The following LRP1B variants were observed in gnomAD, a reference collection of about 807,000 sequenced individuals.
The protein encoded by LRP1B is low-density lipoprotein receptor-related protein 1B.
In LRP1B, 217 loss-of-function variants were observed where a neutral mutation model predicts 556.6. The ratio of observed to expected loss-of-function variants is 0.39; its 90% CI spans 0.35 to 0.44. LRP1B has a LOEUF of 0.44. Ranked by LOEUF, LRP1B falls within the 20% of genes least tolerant of loss-of-function variation. The pLI is 1.00. For missense variants in LRP1B, 5,053 were observed against 5,620.8 expected, an observed-to-expected ratio of 0.90 and a Z score of 3.23; for synonymous variants, 2,047 against 1,865.8, an observed-to-expected ratio of 1.10 and a Z score of -2.50.
At chr2:140,668,095 G>A (rs1471123747) in intron 41 of LRP1B, among the ~76,000 whole-genome samples, 1 of 151,880 alleles carries the variant, frequency 6.6e-6, no homozygotes, top group Non-Finnish European at 1.5e-5. Flanking sequence ...GGTGGATCAC[G>A]ACGTCAGGAG....
chr2:140,507,346 G>A (rs760873934), intron 52 of LRP1B, among the ~76,000 whole-genome samples: 1 of 152,090 alleles, frequency 6.6e-6, no homozygotes, highest in East Asian at 1.9e-4. Flanking sequence ...CTGGTAAAGA[G>A]CAATGCTAAT....
chr2:141,576,455 G>A (rs750628602), intron 2 of LRP1B, among the ~76,000 whole-genome samples: 6 of 152,106 alleles, frequency 3.9e-5, no homozygotes, highest in Non-Finnish European at 8.8e-5. Context: ...GTTGGGGAGC[G>A]GGGGATGAGG....
At chr2:141,260,781 C>A (rs1684654088) in intron 3 of LRP1B, among the ~76,000 whole-genome samples, 1 of 152,078 alleles carries the variant, frequency 6.6e-6, no homozygotes, top group Non-Finnish European at 1.5e-5. Context: ...TAAATTAGAA[C>A]TTTTAGAAAT....
chr2:140,541,535 A>G (rs1680132393), intron 44 of LRP1B, among the ~76,000 whole-genome samples: 1 of 152,152 alleles, frequency 6.6e-6, no homozygotes, highest in South Asian at 2.1e-4. Flanking sequence ...TGCTCCTGTG[A>G]TGATAAATTA....
At chr2:141,265,043 C>A (rs1031341799) in intron 3 of LRP1B, among the ~76,000 whole-genome samples, 1 of 152,160 alleles carries the variant, frequency 6.6e-6, no homozygotes, top group Non-Finnish European at 1.5e-5. Context: ...TAATGCACCT[C>A]CATCGGGCAC....
intron 43 of LRP1B, among the ~76,000 whole-genome samples, chr2:140,584,031 G>C (rs1440587350): frequency 6.6e-6 from 1 of 151,882 alleles, no homozygotes; most frequent in Non-Finnish European, 1.5e-5. Flanking sequence ...ATATTTAAAT[G>C]GTTAAAATAA....
intron 31 of LRP1B, among the ~76,000 whole-genome samples, chr2:140,815,799 C>A (rs1691096984): frequency 6.6e-6 from 1 of 151,240 alleles, no homozygotes; most frequent in Admixed American, 6.6e-5. Context: ...CCTCCTAAAT[C>A]AATGCAATAC....
intron 3 of LRP1B, among the ~76,000 whole-genome samples, chr2:141,335,225 T>C (rs995356975): frequency 6.6e-6 from 1 of 152,114 alleles, no homozygotes; most frequent in African/African-American, 2.4e-5. Context: ...TACAAGATGA[T>C]AAATGGTTAT....
intron 1 of LRP1B, among the ~76,000 whole-genome samples, chr2:142,090,895 C>T (rs1289064259): frequency 6.6e-6 from 1 of 152,018 alleles, no homozygotes; most frequent in Non-Finnish European, 1.5e-5. Flanking sequence ...AATGTTAATT[C>T]ATTAAAAATA....
At position 141,401,788 on chromosome 2, in the gene LRP1B, A is replaced by G. The variant is rs571974861; in HGVS notation, c.343+78608T>C. Among the ~76,000 whole-genome samples the G allele has an allele frequency of 2.4e-4, 37 of 151,982 alleles. 1 individual carries two copies. The South Asian group carries it at 7.7e-3, about 32-fold the overall frequency. On this transcript the variant is annotated intron_variant, in intron 3 of 90. Coordinates refer to ENST00000389484, the MANE Select transcript of LRP1B (RefSeq NM_018557.3). ...TATCACATTTTCATACAGTGGGGGG[A>G]AAAATACCTGGCACTACCATATGTT...
chr2:141,605,944 T>C (rs1417573999), intron 2 of LRP1B, among the ~76,000 whole-genome samples: 1 of 135,718 alleles, frequency 7.4e-6, no homozygotes, highest in East Asian at 2.0e-4. Context: ...TATGATAAAA[T>C]GCAAAAGAAA....
intron 2 of LRP1B, among the ~76,000 whole-genome samples, chr2:141,507,754 A>G (rs1177598674): frequency 6.6e-6 from 1 of 152,138 alleles, no homozygotes; most frequent in African/African-American, 2.4e-5. Context: ...CAGTGCCCTT[A>G]GGAAAAAATA....
At chr2:140,904,063 C>T (rs1166994207) in intron 22 of LRP1B, among the ~76,000 whole-genome samples, 1 of 151,956 alleles carries the variant, frequency 6.6e-6, no homozygotes, top group Non-Finnish European at 1.5e-5. Flanking sequence ...ATTGTAAGCT[C>T]CATGAGGGTA....
At chr2:142,071,257 G>C (rs1190322674) in intron 1 of LRP1B, among the ~76,000 whole-genome samples, 1 of 151,868 alleles carries the variant, frequency 6.6e-6, no homozygotes, top group Non-Finnish European at 1.5e-5. Flanking sequence ...AAAAGTCAGG[G>C]CTAATTAACT....
chr2:140,425,886 T>G (rs1685631627), intron 66 of LRP1B, among the ~76,000 whole-genome samples: 1 of 152,222 alleles, frequency 6.6e-6, no homozygotes, highest in African/African-American at 2.4e-5. Flanking sequence ...ACATAGCACT[T>G]AATAAGCTTT....
chr2:141,083,688 G>T (rs950351028), intron 7 of LRP1B, among the ~76,000 whole-genome samples: 1 of 152,126 alleles, frequency 6.6e-6, no homozygotes, highest in African/African-American at 2.4e-5. Context: ...GGATTAATGG[G>T]TTATCACAGG....
At chr2:142,079,340 T>C (rs1705626777) in intron 1 of LRP1B, among the ~76,000 whole-genome samples, 1 of 152,012 alleles carries the variant, frequency 6.6e-6, no homozygotes, top group Non-Finnish European at 1.5e-5. Flanking sequence ...TGGAAATATC[T>C]AAATACTTAA....
intron 66 of LRP1B, among the ~76,000 whole-genome samples, chr2:140,434,063 T>C (rs72895988): frequency 0.28 from 40,073 of 141,310 alleles, 5,720 homozygotes; most frequent in African/African-American, 0.32. Context: ...TTCTTTCTTT[T>C]ATTTATTTAT....
intron 47 of LRP1B, among the ~76,000 whole-genome samples, chr2:140,527,153 A>G (rs980924705): frequency 9.9e-5 from 15 of 152,022 alleles, no homozygotes; most frequent in African/African-American, 3.1e-4. Flanking sequence ...TGTATAAAGT[A>G]TCTTATTTTT....
Sources: allele counts gnomAD v4.1 joint callset (sites outside exome capture counted in the v4.1 genomes callset), GRCh38; gene constraint gnomAD v4.1.1; transcripts MANE v1.5; gene names NCBI Gene and HGNC (gene_info 2026-07-23, HGNC 2026-07-21).